The following ZMYND11 variants were observed in gnomAD, a reference collection of about 807,000 sequenced individuals.
The protein encoded by ZMYND11 is zinc finger MYND-type containing 11, also known as zinc finger MYND domain-containing protein 11.
ZMYND11 carries 9 observed loss-of-function variants against 84.9 expected under a neutral mutation model. The ratio of observed to expected loss-of-function variants is 0.11; its 90% confidence interval spans 0.06 to 0.18. The LOEUF is 0.18. ZMYND11 is among the 10% of genes least tolerant of loss of function. ZMYND11 has a pLI of 1.00. For synonymous variants in ZMYND11, 250 were observed against 244.1 expected, an observed-to-expected ratio of 1.02 and a Z score of -0.23; for missense variants, 409 against 761.0, an observed-to-expected ratio of 0.54 and a Z score of 5.44.
chr10:249,481 T>G, intron 14 of ZMYND11: 1 of 984,872 alleles, frequency 1.0e-6, no homozygotes, highest in Non-Finnish European at 1.2e-6. Flanking sequence ...ATAAATAGTT[T>G]CAGATTTCCC....
chr10:140,084 A>G (rs1304998195), intron 1 of ZMYND11, among the ~76,000 whole-genome samples: 1 of 152,076 alleles, frequency 6.6e-6, no homozygotes. Flanking sequence ...CACTCTTATA[A>G]TTGCATCCTA....
chr10:235,855 A>G (rs1436303551), intron 4 of ZMYND11, among the ~76,000 whole-genome samples: 11 of 152,224 alleles, frequency 7.2e-5, no homozygotes, highest in Non-Finnish European at 1.6e-4. Context: ...TGTTATTTAG[A>G]TATTTTATGT....
At chr10:242,461 T>G (rs1951191507) in intron 10 of ZMYND11, among the ~76,000 whole-genome samples, 1 of 152,144 alleles carries the variant, frequency 6.6e-6, no homozygotes, top group East Asian at 1.9e-4. Flanking sequence ...CATTACCATA[T>G]TCACAGTTAC....
chr10:238,607 C>T lies in ZMYND11; in HGVS notation c.610-831C>T, dbSNP rs550408235. ...TCCTGACCTCGTGATCTGCCCGCCT[C>T]GGCCTCCCAAAGTGCTGGGATTACA... is the stretch of plus-strand genomic sequence containing the variant. On this transcript the variant is annotated intron_variant, in intron 6 of 14. Transcript: ENST00000381604. 9.7e-4 allele frequency among the ~76,000 whole-genome samples: 148 copies of T among 152,232 alleles called. 1 individual carries two copies. In the Middle Eastern group the frequency reaches 0.017, roughly 17 times the overall value.
intron 3 of ZMYND11, among the ~76,000 whole-genome samples, chr10:217,501 G>A (rs1407577514): frequency 1.3e-5 from 2 of 148,650 alleles, no homozygotes; most frequent in African/African-American, 2.5e-5. Context: ...CCAGCCTGGC[G>A]AGATTCTGTC....
At chr10:214,087 A>G (rs538659292) in intron 3 of ZMYND11, among the ~76,000 whole-genome samples, 118 of 152,222 alleles carry the variant, frequency 7.8e-4, no homozygotes, top group Non-Finnish European at 1.3e-3. Context: ...TATTTTAGGC[A>G]TTTTGGGATG....
In ZMYND11 at chr10:254,018, C is replaced by T. The variant is rs1953954379; in HGVS notation, c.*1548C>T. On this transcript the variant is annotated 3_prime_UTR_variant, in exon 15 of 15. Transcript: ENST00000381604. ...ATTTTGTAAAAAGTACCCAGTAGCCCCATTTCATACAATGTACCTAAATTA... is the reference window on the plus strand; with the variant it reads ...ATTTTGTAAAAAGTACCCAGTAGCCTCATTTCATACAATGTACCTAAATTA... 6.6e-6 allele frequency: 1 copy of T among 152,344 alleles called. No homozygotes were observed. Among genetic ancestry groups the T allele is most frequent in the South Asian group, 2.1e-4 (1 of 4,832 alleles). 9.4% of individuals were successfully genotyped at this position (152,344 alleles called of 1,614,324 possible). A position where few individuals can be genotyped will look rare whatever the true frequency, so the allele number is the denominator to read the frequency against.
At chr10:141,444 G>A (rs1458577747) in intron 1 of ZMYND11, among the ~76,000 whole-genome samples, 1 of 152,194 alleles carries the variant, frequency 6.6e-6, no homozygotes, top group East Asian at 1.9e-4. Flanking sequence ...TGAGGCTACA[G>A]TGAGCTAAAT....
At chr10:239,888 A>G (rs1589209646) in intron 7 of ZMYND11, 168 bp from the exon 8 acceptor site, 1 of 581,370 alleles carries the variant, frequency 1.7e-6, no homozygotes. Context: ...TATTGGATGG[A>G]AAACAAAAGC....
upstream of ZMYND11, among the ~76,000 whole-genome samples, chr10:130,437 T>C (rs557024340): frequency 6.6e-6 from 1 of 152,346 alleles, no homozygotes; most frequent in South Asian, 2.1e-4. Context: ...CATTTCACAA[T>C]ATTTGGCCCG....
intron 1 of ZMYND11, among the ~76,000 whole-genome samples, chr10:163,063 ATTT>A (rs1554762476): frequency 6.6e-6 from 1 of 152,140 alleles, no homozygotes; most frequent in Admixed American, 6.5e-5. Context: ...AGGTGCATAA[ATTT>A]TTTTAATATC....
At position 246,984 on chromosome 10, in the gene ZMYND11, C is replaced by G; in HGVS notation, c.1158+11C>G. 6.3e-7 allele frequency: 1 copy of G among 1,594,152 alleles called. No individual in the cohort carries two copies. The highest frequency in any genetic ancestry group is 8.6e-7 in the Non-Finnish European group (1 of 1,169,506). ...ACCAGTAATGAGCAGGTGAGTGTGT[C>G]TCCGGAAGGAAGTGCCTATTCATTA... On this transcript the variant is annotated intron_variant, in intron 11 of 14. Transcript: ENST00000381604.
At chr10:187,055 C>G (rs1405856878) in intron 2 of ZMYND11, among the ~76,000 whole-genome samples, 1 of 151,938 alleles carries the variant, frequency 6.6e-6, no homozygotes, top group Non-Finnish European at 1.5e-5. Context: ...TATTGAGACC[C>G]TATCTCTACA....
At chr10:229,158 C>A (rs1207887939) in intron 4 of ZMYND11, among the ~76,000 whole-genome samples, 1 of 152,020 alleles carries the variant, frequency 6.6e-6, no homozygotes, top group Non-Finnish European at 1.5e-5. Context: ...AAAGAGTTGG[C>A]CTTGTAAAAA....
chr10:233,330 G>A (rs1349193104), intron 4 of ZMYND11, among the ~76,000 whole-genome samples: 2 of 152,158 alleles, frequency 1.3e-5, no homozygotes, highest in Non-Finnish European at 2.9e-5. Flanking sequence ...GGGGAAGCTC[G>A]CTCTTGTCCC....
Position 252,597 on chromosome 10 carries a change from A to T in ZMYND11, c.*127A>T, listed in dbSNP as rs1953726792. On this transcript the variant is annotated 3_prime_UTR_variant, in exon 15 of 15. Coordinates refer to ENST00000381604, the MANE Select transcript of ZMYND11 (RefSeq NM_001370100.5). The surrounding 1 kb of genome is among the most constrained non-coding windows in gnomAD (Gnocchi z 4.6). ...CACCAGCCTTTAAACACTTTTCGTG[A>T]AGAAATTTTGCACAGTAGTTTAAAT... is the stretch of plus-strand genomic sequence containing the variant. 1 of 1,368,222 alleles carries T rather than the reference A, an allele frequency of 7.3e-7. No homozygotes were observed. Among genetic ancestry groups the T allele is most frequent in the African/African-American group, 1.5e-5 (1 of 68,182 alleles). The allele number at this position is 1,368,222 out of a possible 1,614,324, so 84.8% of individuals were successfully genotyped here.
rs1486768776 is a variant in ZMYND11 at position 236,829 on chromosome 10, T to TTTCA, written c.439-8_439-5dup. Reference sequence around the variant, plus strand: ...TTTGTACCTTTTTTTATTCTTTTTTTTTCAATAGAGCATTAAGAAGAAGAA... The same window carrying TTTCA: ...TTTGTACCTTTTTTTATTCTTTTTTTTTCATTCAATAGAGCATTAAGAAGAAGAA... On this transcript the variant is annotated splice_polypyrimidine_tract_variant and intron_variant, in intron 4 of 14. Coordinates refer to ENST00000381604, the MANE Select transcript of ZMYND11 (RefSeq NM_001370100.5). 6.2e-7 allele frequency: 1 copy of TTTCA among 1,607,808 alleles called. No homozygotes were observed. The highest frequency in any genetic ancestry group is 8.5e-7 in the Non-Finnish European group (1 of 1,176,750).
In ZMYND11 at chr10:153,163, T is replaced by A. The variant is rs1840824347; in HGVS notation, c.-20+17604T>A. Among the ~76,000 whole-genome samples, 3 of 152,318 alleles carry A rather than the reference T, an allele frequency of 2.0e-5. No homozygotes were observed. In the South Asian group the frequency reaches 6.2e-4, roughly 32 times the overall value. On this transcript the variant is annotated intron_variant, in intron 1 of 14. Transcript: ENST00000381604. ...ATTCCACCAGTTTTGAAGTACAGAA[T>A]TGTTATTTGCTATTTTTATCAGATA...
chr10:198,631 G>C (rs1942363490), intron 2 of ZMYND11, among the ~76,000 whole-genome samples: 1 of 152,098 alleles, frequency 6.6e-6, no homozygotes, highest in Non-Finnish European at 1.5e-5. Flanking sequence ...ATTTTTCCTA[G>C]AGTCACTGGA....
Sources: gnomAD v4.1 joint callset for allele counts (sites outside exome capture counted in the v4.1 genomes callset) on GRCh38, gnomAD v4.1.1 for gene constraint, Gnocchi (gnomAD v3.1) non-coding constraint, MANE v1.5 for transcripts, NCBI Gene and HGNC (gene_info 2026-07-23, HGNC 2026-07-21) for gene names.